The following ADAMTS19 variants were observed in gnomAD, a reference collection of about 807,000 sequenced individuals.
ADAMTS19 encodes the protein A disintegrin and metalloproteinase with thrombospondin motifs 19.
In ADAMTS19, 93 loss-of-function variants were observed where a neutral mutation model predicts 153.3. The observed-to-expected ratio is 0.61, with a 90% CI of 0.51 to 0.72. ADAMTS19 has a LOEUF of 0.72. Among genes scored for constraint, ADAMTS19 ranks in the 30% least tolerant of loss-of-function variants. The pLI, the probability that ADAMTS19 is intolerant of heterozygous loss-of-function variation, is 0.00. For missense variants in ADAMTS19, 1,482 were observed against 1,552.1 expected, an observed-to-expected ratio of 0.95 and a Z score of 0.76; for synonymous variants, 600 against 556.6, an observed-to-expected ratio of 1.08 and a Z score of -1.10.
chr5:129,461,391 G>A lies in ADAMTS19; in HGVS notation c.381G>A (p.Glu127=). The part of the protein sequence containing the change: ...GEEDEELESQ[E]LPRGSSGAAA... ...AGGACGAGGAGCTCGAGTCGCAGGA[G>A]CTGCCGCGGGGATCCAGCGGGGCTG... Residue 127 remains glutamate (E), a synonymous_variant, in exon 2 of 23, where the codon GAG becomes GAA. Transcript: ENST00000274487. This position sits in a 1 kb window ranked among gnomAD's most constrained non-coding sequence, Gnocchi z 4.6. 9 of 1,352,386 alleles carry A rather than the reference G, an allele frequency of 6.7e-6. No individual in the cohort carries two copies. The highest frequency in any genetic ancestry group is 8.5e-6 in the Non-Finnish European group (9 of 1,063,724). 83.8% of individuals were successfully genotyped at this position (1,352,386 alleles called of 1,614,324 possible).
chr5:129,648,537 A>G (rs1753168309), intron 12 of ADAMTS19, among the ~76,000 whole-genome samples: 1 of 152,034 alleles, frequency 6.6e-6, no homozygotes, highest in Non-Finnish European at 1.5e-5. Context: ...TCTGCCCTTT[A>G]CTCTAATGTA....
chr5:129,514,993 A>G (rs996210496), intron 3 of ADAMTS19, among the ~76,000 whole-genome samples: 1 of 152,090 alleles, frequency 6.6e-6, no homozygotes, highest in African/African-American at 2.4e-5. Flanking sequence ...ATAAAGTTTC[A>G]TTCTTTTGCA....
chr5:129,536,384 A>G (rs928552751), intron 6 of ADAMTS19, among the ~76,000 whole-genome samples: 21 of 152,350 alleles, frequency 1.4e-4, no homozygotes, highest in Admixed American at 1.2e-3. Flanking sequence ...ACCAGTTAGA[A>G]TGGCAATCAT....
At chr5:129,535,289 A>G (rs966666710) in intron 6 of ADAMTS19, among the ~76,000 whole-genome samples, 1 of 152,220 alleles carries the variant, frequency 6.6e-6, no homozygotes, top group African/African-American at 2.4e-5. Context: ...CAGCCAAATC[A>G]TGAGTGAACT....
intron 15 of ADAMTS19, 35 bp from the exon 16 acceptor site, chr5:129,665,464 T>C: frequency 2.0e-6 from 3 of 1,502,266 alleles, no homozygotes; most frequent in Non-Finnish European, 2.7e-6. Context: ...TTGAAGGAAC[T>C]CAAGATTTAT....
At chr5:129,514,628 A>C (rs1449136487) in intron 3 of ADAMTS19, among the ~76,000 whole-genome samples, 1 of 151,856 alleles carries the variant, frequency 6.6e-6, no homozygotes, top group Non-Finnish European at 1.5e-5. Flanking sequence ...CTATTTTTTG[A>C]TTGGATTATG....
intron 18 of ADAMTS19, chr5:129,688,086 C>T (rs1755170669): frequency 6.6e-6 from 1 of 151,984 alleles, no homozygotes; most frequent in Non-Finnish European, 1.5e-5. Flanking sequence ...ATATTATTTT[C>T]CTTTGCAGTT....
intron 7 of ADAMTS19, among the ~76,000 whole-genome samples, chr5:129,587,628 TG>T (rs747092870): frequency 1.1e-4 from 16 of 152,186 alleles, no homozygotes; most frequent in Non-Finnish European, 2.1e-4. Flanking sequence ...TTCAGAGGTT[TG>T]GGGTTTTGCT....
At chr5:129,675,664 G>A (rs1360120523) in intron 16 of ADAMTS19, among the ~76,000 whole-genome samples, 1 of 151,726 alleles carries the variant, frequency 6.6e-6, no homozygotes, top group Admixed American at 6.6e-5. Flanking sequence ...ATTTTTCATA[G>A]TTTCCATTAC....
At chr5:129,634,888 TAAAAG>T (rs745680331) in intron 10 of ADAMTS19, among the ~76,000 whole-genome samples, 2 of 149,334 alleles carry the variant, frequency 1.3e-5, no homozygotes, top group African/African-American at 4.9e-5. Flanking sequence ...AAAAGCAAAA[TAAAAG>T]AGAGAGAGAG....
intron 15 of ADAMTS19, among the ~76,000 whole-genome samples, chr5:129,662,066 G>T (rs1753838160): frequency 6.6e-6 from 1 of 152,110 alleles, no homozygotes; most frequent in South Asian, 2.1e-4. Flanking sequence ...TACTAAATTA[G>T]AAGTGTAATA....
Position 129,679,908 on chromosome 5 carries a change from C to T in ADAMTS19, c.2651C>T (p.Pro884Leu). The T allele has an allele frequency of 6.2e-7, 1 of 1,612,700 alleles. No individual in the cohort carries two copies. Among genetic ancestry groups the T allele is most frequent in the Non-Finnish European group, 8.5e-7 (1 of 1,179,556 alleles). Residue 884 changes from proline to leucine, a missense_variant, in exon 17 of 23, where the codon CCT becomes CTT. Transcript: ENST00000274487. ...TCTGCCAAAGGTCCTACTACAGCAC[C>T]TTTACATCTTCTGGTATGAGGGAAT... ...KISAKGPTTA[P>L]LHLLVLLFQD... is the part of the protein sequence containing the mutation.
intron 16 of ADAMTS19, among the ~76,000 whole-genome samples, chr5:129,673,073 T>C (rs1239977519): frequency 1.3e-5 from 2 of 152,102 alleles, no homozygotes; most frequent in African/African-American, 4.8e-5. Context: ...AGTTTGTGTC[T>C]ATTTTTCTTA....
chr5:129,505,014 C>T (rs1751227939), intron 2 of ADAMTS19, among the ~76,000 whole-genome samples: 1 of 151,836 alleles, frequency 6.6e-6, no homozygotes, highest in Non-Finnish European at 1.5e-5. Context: ...CTTTGACATA[C>T]TGATTTCATT....
At chr5:129,675,041 G>C (rs1410126142) in intron 16 of ADAMTS19, among the ~76,000 whole-genome samples, 1 of 151,956 alleles carries the variant, frequency 6.6e-6, no homozygotes, top group Non-Finnish European at 1.5e-5. Flanking sequence ...TTTTTTGTTT[G>C]CTTTGTTTTC....
chr5:129,683,463 A>C (rs1754920653), intron 17 of ADAMTS19, among the ~76,000 whole-genome samples: 1 of 152,166 alleles, frequency 6.6e-6, no homozygotes, highest in Non-Finnish European at 1.5e-5. Context: ...AGTTCATGTA[A>C]CATAAATTTA....
intron 2 of ADAMTS19, among the ~76,000 whole-genome samples, chr5:129,465,383 AT>A (rs61705720): frequency 0.085 from 11,604 of 135,818 alleles, 488 homozygotes; most frequent in African/African-American, 0.11. Flanking sequence ...TACCTGGCCT[AT>A]TTTTTTTTTA....
In ADAMTS19 at chr5:129,614,687, G is replaced by A. The variant is rs1181339323; in HGVS notation, c.1479-5931G>A. ...TCTAGTGTTGGAAGTTCTGGCCAGG[G>A]CAATCAGGCAGGAGAAAGAAATAAA... On this transcript the variant is annotated intron_variant, in intron 8 of 22. Coordinates refer to ENST00000274487, the MANE Select transcript of ADAMTS19 (RefSeq NM_133638.6). 3.3e-5 allele frequency among the ~76,000 whole-genome samples: 5 copies of A among 152,062 alleles called. No homozygotes were observed. The East Asian group carries it at 9.6e-4, about 29-fold the overall frequency.
intron 7 of ADAMTS19, among the ~76,000 whole-genome samples, chr5:129,595,307 C>T (rs1255544035): frequency 1.3e-5 from 2 of 152,038 alleles, no homozygotes; most frequent in Non-Finnish European, 2.9e-5. Flanking sequence ...GGAGTTCCAC[C>T]CAATTCAGAA....
Sources: allele counts gnomAD v4.1 joint callset (sites outside exome capture counted in the v4.1 genomes callset), GRCh38; gene constraint gnomAD v4.1.1; non-coding constraint Gnocchi (gnomAD v3.1); transcripts MANE v1.5; gene names NCBI Gene and HGNC (gene_info 2026-07-23, HGNC 2026-07-21).